The following PSD3 variants were observed in gnomAD, a reference collection of about 807,000 sequenced individuals.
PSD3 encodes the protein pleckstrin and Sec7 domain containing 3, also known as PH and SEC7 domain-containing protein 3.
In PSD3, 49 loss-of-function variants were observed where a neutral mutation model predicts 105.5. That is an observed-to-expected ratio of 0.46 (90% CI 0.37 to 0.59). PSD3 has a LOEUF of 0.59. Among genes scored for constraint, PSD3 ranks in the 20% least tolerant of loss-of-function variants. PSD3 has a pLI of 0.00. For missense variants in PSD3, 1,561 were observed against 1,263.8 expected (o/e 1.24, Z -3.57); for synonymous variants, 557 against 457.8 (o/e 1.22, Z -2.77).
intron 9 of PSD3, among the ~76,000 whole-genome samples, chr8:18,744,015 A>G (rs1272625969): frequency 1.4e-5 from 2 of 141,914 alleles, no homozygotes; most frequent in Admixed American, 1.4e-4. Context: ...GTTCCCTAAT[A>G]TGCTGCTCCC....
intron 1 of PSD3, among the ~76,000 whole-genome samples, chr8:19,042,906 A>C (rs1828170871): frequency 6.6e-6 from 1 of 152,214 alleles, no homozygotes; most frequent in African/African-American, 2.4e-5. Flanking sequence ...CACAACTTCC[A>C]TCGTTATAAA....
At chr8:18,739,670 T>C (rs573781072) in intron 9 of PSD3, among the ~76,000 whole-genome samples, 2 of 152,332 alleles carry the variant, frequency 1.3e-5, no homozygotes, top group Admixed American at 6.5e-5. Flanking sequence ...CCACATTTTT[T>C]AATTATAAAT....
At chr8:18,708,653 T>A (rs73666695) in intron 9 of PSD3, among the ~76,000 whole-genome samples, 6,935 of 152,156 alleles carry the variant, frequency 0.046, 454 homozygotes, top group African/African-American at 0.14. Flanking sequence ...TATTTTCTAC[T>A]GCATTTTAAT....
At chr8:18,774,627 T>C in intron 8 of PSD3, 2 of 386,502 alleles carry the variant, frequency 5.2e-6, no homozygotes, top group South Asian at 4.1e-5. Context: ...GTTCTCCCTA[T>C]GCTTGTTCAG....
chr8:18,970,902 C>A (rs1209964787), intron 1 of PSD3, among the ~76,000 whole-genome samples: 2 of 151,424 alleles, frequency 1.3e-5, no homozygotes, highest in Non-Finnish European at 2.9e-5. Flanking sequence ...TCACTAGAAC[C>A]CAGGAGGCGG....
chr8:18,988,069 C>G (rs1352051982), intron 1 of PSD3, among the ~76,000 whole-genome samples: 1 of 151,452 alleles, frequency 6.6e-6, no homozygotes, highest in Non-Finnish European at 1.5e-5. Context: ...GTGCTTGGCA[C>G]AAAGTAAGCA....
intron 8 of PSD3, among the ~76,000 whole-genome samples, chr8:18,775,769 T>A (rs537682950): frequency 6.6e-6 from 1 of 152,338 alleles, no homozygotes; most frequent in Admixed American, 6.5e-5. Flanking sequence ...CTTCTACCAT[T>A]CTGTAGCTTG....
At chr8:18,634,521 C>T (rs1357219651) in intron 10 of PSD3, among the ~76,000 whole-genome samples, 1 of 151,156 alleles carries the variant, frequency 6.6e-6, no homozygotes, top group African/African-American at 2.4e-5. Flanking sequence ...CACTAGTTTA[C>T]CATTTTTTTC....
At chr8:18,618,969 T>C (rs1159521677) in intron 11 of PSD3, among the ~76,000 whole-genome samples, 2 of 152,156 alleles carry the variant, frequency 1.3e-5, no homozygotes, top group Non-Finnish European at 2.9e-5. Flanking sequence ...GTAATTCAGT[T>C]CTCAGCCGAG....
chr8:18,977,067 C>A (rs1291200345), intron 1 of PSD3, among the ~76,000 whole-genome samples: 1 of 151,982 alleles, frequency 6.6e-6, no homozygotes, highest in Non-Finnish European at 1.5e-5. Context: ...GGAGACCAGG[C>A]TGGCCAACAT....
At chr8:18,761,135 A>G (rs766341095) in intron 9 of PSD3, among the ~76,000 whole-genome samples, 1 of 152,224 alleles carries the variant, frequency 6.6e-6, no homozygotes, top group Non-Finnish European at 1.5e-5. Context: ...AGGTTTAAAA[A>G]TGTGGGAAGA....
intron 1 of PSD3, among the ~76,000 whole-genome samples, chr8:19,060,099 A>T (rs1242231550): frequency 6.6e-6 from 1 of 152,230 alleles, no homozygotes; most frequent in Non-Finnish European, 1.5e-5. Flanking sequence ...TAACTCTGAA[A>T]ATCCAGGTTT....
chr8:18,716,672 T>C (rs915991840), intron 9 of PSD3, among the ~76,000 whole-genome samples: 1 of 152,198 alleles, frequency 6.6e-6, no homozygotes, highest in Non-Finnish European at 1.5e-5. Flanking sequence ...GATGAGGATT[T>C]TAAGCAGAGG....
At chr8:18,625,889 G>C (rs956297338) in intron 11 of PSD3, among the ~76,000 whole-genome samples, 1 of 152,080 alleles carries the variant, frequency 6.6e-6, no homozygotes, top group African/African-American at 2.4e-5. Flanking sequence ...TATCACTATT[G>C]TTATTGTGTA....
intron 4 of PSD3, among the ~76,000 whole-genome samples, chr8:18,836,505 T>A (rs567562981): frequency 6.6e-6 from 1 of 152,348 alleles, no homozygotes; most frequent in East Asian, 1.9e-4. Flanking sequence ...ACTAATTTTT[T>A]AATAGTGGAC....
intron 4 of PSD3, among the ~76,000 whole-genome samples, chr8:18,863,119 G>C (rs541583123): frequency 3.3e-5 from 5 of 152,088 alleles, no homozygotes; most frequent in Non-Finnish European, 7.4e-5. Context: ...ATATTCCAAA[G>C]AACCAAAAAA....
chr8:18,608,125 TAGG>T (rs1804993891), intron 11 of PSD3, among the ~76,000 whole-genome samples: 1 of 152,018 alleles, frequency 6.6e-6, no homozygotes, highest in African/African-American at 2.4e-5. Context: ...GAGGCTGAAG[TAGG>T]AGGACTGTTT....
chr8:18,717,889 G>A (rs1339236881), intron 9 of PSD3, among the ~76,000 whole-genome samples: 1 of 151,060 alleles, frequency 6.6e-6, no homozygotes, highest in African/African-American at 2.4e-5. Context: ...GTGAGACTTG[G>A]TAAATAGAAC....
At chr8:18,732,615 A>G (rs1803846559) in intron 9 of PSD3, among the ~76,000 whole-genome samples, 1 of 152,176 alleles carries the variant, frequency 6.6e-6, no homozygotes, top group African/African-American at 2.4e-5. Flanking sequence ...CCAGCAGGAT[A>G]TCTTGAGCTT....
Sources: allele counts gnomAD v4.1 joint callset (sites outside exome capture counted in the v4.1 genomes callset), GRCh38; gene constraint gnomAD v4.1.1; transcripts MANE v1.5; gene names NCBI Gene and HGNC (gene_info 2026-07-23, HGNC 2026-07-21).